The following MYO16 variants were observed in gnomAD, a reference collection of about 807,000 sequenced individuals.
The protein encoded by MYO16 is myosin XVI.
Under a neutral mutation model 205.3 loss-of-function variants are expected in MYO16, and 94 were observed. The observed-to-expected ratio is 0.46, with a 90% CI of 0.39 to 0.54. MYO16 has a LOEUF of 0.54. Ranked by LOEUF, MYO16 falls within the 20% of genes least tolerant of loss-of-function variation. The pLI is 0.00. For missense variants in MYO16, 2,315 were observed against 2,387.5 expected (o/e 0.97, Z 0.63); for synonymous variants, 988 against 954.0 (o/e 1.04, Z -0.66).
the MYO16 span, among the ~76,000 whole-genome samples, chr13:108,522,692 A>C: frequency 6.6e-6 from 1 of 152,012 alleles, no homozygotes; most frequent in Non-Finnish European, 1.5e-5. Context: ...ACTGCCTGGC[A>C]ATCTTTGGTG....
intron 29 of MYO16, among the ~76,000 whole-genome samples, chr13:109,121,450 AC>A (rs1875986351): frequency 6.6e-6 from 1 of 152,208 alleles, no homozygotes; most frequent in South Asian, 2.1e-4. Flanking sequence ...ATTCAGGAGC[AC>A]TTCAGGGACT....
At chr13:108,737,448 T>C (rs866638317) in intron 4 of MYO16, among the ~76,000 whole-genome samples, 1 of 152,212 alleles carries the variant, frequency 6.6e-6, no homozygotes, top group Non-Finnish European at 1.5e-5. Context: ...ATTTAATGAT[T>C]TGTGTATGTT....
At chr13:108,951,081 T>C (rs148139952) in intron 16 of MYO16, among the ~76,000 whole-genome samples, 2 of 152,286 alleles carry the variant, frequency 1.3e-5, no homozygotes, top group African/African-American at 4.8e-5. Flanking sequence ...CTGGGATACA[T>C]GTGCAGAGCT....
intron 1 of MYO16, among the ~76,000 whole-genome samples, chr13:108,601,271 C>A (rs989685449): frequency 2.6e-5 from 4 of 152,050 alleles, no homozygotes; most frequent in African/African-American, 9.7e-5. Flanking sequence ...TTAGAGAGCT[C>A]CCTGAAACCT....
chr13:109,016,787 C>CTT (rs200548631), intron 22 of MYO16, among the ~76,000 whole-genome samples: 13 of 151,234 alleles, frequency 8.6e-5, no homozygotes, highest in Non-Finnish European at 1.8e-4. Flanking sequence ...GCAAATGCTG[C>CTT]TTTTTTTGTT....
chr13:108,626,934 A>C (rs1250696311), upstream of MYO16, among the ~76,000 whole-genome samples: 1 of 146,458 alleles, frequency 6.8e-6, no homozygotes, highest in Non-Finnish European at 1.5e-5. Context: ...TATATATAAT[A>C]TATATAAAAA....
chr13:108,677,217 A>G (rs1197896805), intron 2 of MYO16, among the ~76,000 whole-genome samples: 1 of 151,792 alleles, frequency 6.6e-6, no homozygotes, highest in Admixed American at 6.6e-5. Flanking sequence ...TTCCTGCCCT[A>G]ATGAACTTCA....
intron 28 of MYO16, among the ~76,000 whole-genome samples, chr13:109,106,410 G>A (rs1889123211): frequency 6.6e-6 from 1 of 152,122 alleles, no homozygotes; most frequent in Admixed American, 6.5e-5. Flanking sequence ...CTATTTGCCC[G>A]AATTTCTCCA....
chr13:108,996,552 C>T (rs1885008883), intron 21 of MYO16, among the ~76,000 whole-genome samples: 1 of 152,136 alleles, frequency 6.6e-6, no homozygotes, highest in Admixed American at 6.5e-5. Flanking sequence ...GAGAATTATA[C>T]TAAAGTAGTT....
At chr13:108,502,472 G>A in the MYO16 span, among the ~76,000 whole-genome samples, 1 of 152,156 alleles carries the variant, frequency 6.6e-6, no homozygotes, top group African/African-American at 2.4e-5. Flanking sequence ...TGAGTTTGAT[G>A]TTCAAATTAT....
intron 34 of MYO16, among the ~76,000 whole-genome samples, chr13:109,198,461 T>C (rs979990688): frequency 1.3e-4 from 20 of 152,176 alleles, no homozygotes; most frequent in Non-Finnish European, 2.8e-4. Context: ...TAGAACTTTA[T>C]TTAGTTTTGA....
chr13:109,023,709 A>ATATGTATATATGTATATAT (rs1555325353), intron 23 of MYO16, among the ~76,000 whole-genome samples: 2 of 124,144 alleles, frequency 1.6e-5, no homozygotes, highest in African/African-American at 6.0e-5. Flanking sequence ...ATATGTATAT[A>ATATGTATATATGTATATAT]TACAAATATA....
intron 4 of MYO16, among the ~76,000 whole-genome samples, chr13:108,757,835 A>C (rs193017766): frequency 2.3e-4 from 35 of 152,302 alleles, no homozygotes; most frequent in Non-Finnish European, 4.4e-4. Context: ...CCGTCAGACC[A>C]TGTAGCTACT....
At chr13:108,837,937 C>T (rs1877012608) in intron 9 of MYO16, among the ~76,000 whole-genome samples, 1 of 151,908 alleles carries the variant, frequency 6.6e-6, no homozygotes, top group African/African-American at 2.4e-5. Context: ...ATTAATCACC[C>T]TAGACTCAAA....
intron 15 of MYO16, among the ~76,000 whole-genome samples, chr13:108,898,691 T>C (rs1182945260): frequency 1.3e-5 from 2 of 152,044 alleles, no homozygotes; most frequent in African/African-American, 4.8e-5. Context: ...AACATCAAAA[T>C]AATTGCCAAA....
chr13:108,684,607 C>T (rs1882598424), intron 2 of MYO16, among the ~76,000 whole-genome samples: 1 of 152,078 alleles, frequency 6.6e-6, no homozygotes. Flanking sequence ...ATGTTTTGTT[C>T]TAATAAGGGA....
rs1253363180 is a variant in MYO16, at chr13:109,207,322, CAT to C, written c.*487_*488del. ...GTATTATAAACCTGATAATTATTTA[CAT>C]GTTTATTACTGTAATTTTATAAATT... On this transcript the variant is annotated 3_prime_UTR_variant, in exon 35 of 35. Transcript: ENST00000457511. 6.6e-6 allele frequency: 1 copy of C among 152,172 alleles called. No homozygotes were observed. The highest frequency in any genetic ancestry group is 1.5e-5 in the Non-Finnish European group (1 of 68,078). 9.4% of individuals were successfully genotyped at this position (152,172 alleles called of 1,614,324 possible). A position where few individuals can be genotyped will look rare whatever the true frequency, so the allele number is the denominator to read the frequency against.
At chr13:108,720,852 C>A (rs1159170606) in intron 3 of MYO16, among the ~76,000 whole-genome samples, 3 of 152,122 alleles carry the variant, frequency 2.0e-5, no homozygotes, top group African/African-American at 7.2e-5. Flanking sequence ...TGATTTGAAT[C>A]TTCAGACTTG....
At chr13:108,507,305 G>A in the MYO16 span, among the ~76,000 whole-genome samples, 9 of 151,942 alleles carry the variant, frequency 5.9e-5, no homozygotes, top group South Asian at 2.1e-4. Flanking sequence ...CTCTTAAGGC[G>A]GTCTGGTGGT....
Sources: allele counts gnomAD v4.1 joint callset (sites outside exome capture counted in the v4.1 genomes callset), GRCh38; gene constraint gnomAD v4.1.1; transcripts MANE v1.5; gene names NCBI Gene and HGNC (gene_info 2026-07-23, HGNC 2026-07-21).